The following OR9Q1 variants were observed in gnomAD, a reference collection of about 807,000 sequenced individuals.
OR9Q1 encodes olfactory receptor 9Q1.
For synonymous variants in OR9Q1, 153 were observed against 148.6 expected (o/e 1.03, Z -0.22); for missense variants, 374 against 378.8 (o/e 0.99, Z 0.11).
chr11:58,053,632 A>ATATAT (rs1853294774), intron 1 of OR9Q1, among the ~76,000 whole-genome samples: 20 of 118,684 alleles, frequency 1.7e-4, no homozygotes, highest in Admixed American at 1.6e-3. Flanking sequence ...TATATAAAAT[A>ATATAT]TATATATATA....
At chr11:58,175,251 C>T (rs971152432) in intron 2 of OR9Q1, among the ~76,000 whole-genome samples, 2 of 151,890 alleles carry the variant, frequency 1.3e-5, no homozygotes, top group Non-Finnish European at 2.9e-5. Context: ...AAGATTTTCT[C>T]AGTGGAGAAA....
intron 2 of OR9Q1, among the ~76,000 whole-genome samples, chr11:58,102,047 TC>T (rs2120088140): frequency 6.6e-6 from 1 of 152,238 alleles, no homozygotes; most frequent in African/African-American, 2.4e-5. Context: ...CGCCCGGCCA[TC>T]TTCCAGAATT....
chr11:58,154,361 T>C (rs137891135), intron 2 of OR9Q1, among the ~76,000 whole-genome samples: 2 of 143,486 alleles, frequency 1.4e-5, no homozygotes, highest in East Asian at 4.3e-4. Flanking sequence ...GGCTTAGCAA[T>C]AAAAATCAAT....
chr11:58,033,505 T>C (rs1853064308), intron 1 of OR9Q1, among the ~76,000 whole-genome samples: 2 of 152,186 alleles, frequency 1.3e-5, no homozygotes, highest in Non-Finnish European at 2.9e-5. Context: ...ATGCAGAAAC[T>C]GAAAATCAAA....
intron 1 of OR9Q1, among the ~76,000 whole-genome samples, chr11:58,024,471 G>C (rs2514181): frequency 0.67 from 101,757 of 152,040 alleles, 34,454 homozygotes; most frequent in Middle Eastern, 0.79. Flanking sequence ...GAAATCCAGC[G>C]TTTCTCACCA....
chr11:58,168,489 T>G (rs2119941673), intron 2 of OR9Q1, among the ~76,000 whole-genome samples: 1 of 152,332 alleles, frequency 6.6e-6, no homozygotes, highest in East Asian at 1.9e-4. Context: ...ATTTAATTTT[T>G]TTGTTGATCT....
intron 2 of OR9Q1, among the ~76,000 whole-genome samples, chr11:58,086,322 G>A (rs1017282881): frequency 8.6e-5 from 13 of 151,732 alleles, no homozygotes; most frequent in South Asian, 2.1e-4. Flanking sequence ...ATATCACCTC[G>A]CACCTGTTAG....
rs117339351 is a variant in OR9Q1, at chr11:58,145,128, A to G, written c.-14-34303A>G. ...CAACCAGCATTTCAGTGATTCTTAC[A>G]TCGTACTTGTTCATCATTCAGTCTG... is the stretch of plus-strand genomic sequence containing the variant. On this transcript the variant is annotated intron_variant, in intron 2 of 2. Transcript: ENST00000335397. 5.3e-3 allele frequency: 801 copies of G among 152,544 alleles called. 4 individuals carry two copies. Among genetic ancestry groups the G allele is most frequent in the Middle Eastern group, 9.9e-3 (3 of 304 alleles). 9.4% of individuals were successfully genotyped at this position (152,544 alleles called of 1,614,324 possible).
At chr11:58,031,179 C>T (rs758879592) in intron 1 of OR9Q1, 11 of 1,614,150 alleles carry the variant, frequency 6.8e-6, no homozygotes, top group Non-Finnish European at 9.3e-6. Flanking sequence ...ATCTGGTACA[C>T]TTCTGTTACA....
intron 1 of OR9Q1, among the ~76,000 whole-genome samples, chr11:58,035,901 CTTTAT>C (rs746482967): frequency 6.7e-6 from 1 of 149,430 alleles, no homozygotes; most frequent in East Asian, 2.0e-4. Context: ...TATGAACATA[CTTTAT>C]TTTATTATGT....
intron 1 of OR9Q1, among the ~76,000 whole-genome samples, chr11:58,034,837 C>A (rs1853084937): frequency 7.0e-6 from 1 of 142,512 alleles, no homozygotes; most frequent in African/African-American, 2.7e-5. Context: ...TTCCTTCCTT[C>A]ATTTTTTTTT....
At chr11:58,103,951 G>T (rs1308724120) in intron 2 of OR9Q1, among the ~76,000 whole-genome samples, 1 of 152,120 alleles carries the variant, frequency 6.6e-6, no homozygotes, top group Non-Finnish European at 1.5e-5. Context: ...TGGGCTCACT[G>T]GACTGGTTCT....
intron 2 of OR9Q1, among the ~76,000 whole-genome samples, chr11:58,090,741 A>G (rs1048101640): frequency 6.6e-6 from 1 of 152,076 alleles, no homozygotes; most frequent in Non-Finnish European, 1.5e-5. Context: ...TTGTACCTCT[A>G]GTAGAATTTG....
At chr11:58,065,164 G>C (rs1299158639) in intron 2 of OR9Q1, among the ~76,000 whole-genome samples, 1 of 152,130 alleles carries the variant, frequency 6.6e-6, no homozygotes, top group African/African-American at 2.4e-5. Context: ...ACATGGACTG[G>C]GATAGGTTAT....
intron 2 of OR9Q1, among the ~76,000 whole-genome samples, chr11:58,152,256 T>C (rs151219665): frequency 3.3e-5 from 5 of 152,156 alleles, no homozygotes; most frequent in Non-Finnish European, 5.9e-5. Flanking sequence ...AATCAGAACA[T>C]TTATTTTATT....
At chr11:58,044,551 A>G (rs1485247863) in intron 1 of OR9Q1, 1 of 152,118 alleles carries the variant, frequency 6.6e-6, no homozygotes, top group Non-Finnish European at 1.5e-5. Flanking sequence ...CATCGTTTTC[A>G]CTTACTAGGT....
At chr11:58,092,606 T>C (rs77258080) in intron 2 of OR9Q1, among the ~76,000 whole-genome samples, 262 of 152,322 alleles carry the variant, frequency 1.7e-3, no homozygotes, top group African/African-American at 6.0e-3. Context: ...GCCACAATTA[T>C]GCATTTTCAG....
intron 2 of OR9Q1, chr11:58,125,249 C>CCCAA (rs141493207): frequency 3.7e-5 from 3 of 81,212 alleles, no homozygotes; most frequent in Non-Finnish European, 6.9e-5. Flanking sequence ...GCCCCCCCCC[C>CCCAA]AAAAAAAAGC....
chr11:58,106,210 C>T (rs867634227), intron 2 of OR9Q1, among the ~76,000 whole-genome samples: 2 of 149,494 alleles, frequency 1.3e-5, no homozygotes, highest in African/African-American at 4.9e-5. Flanking sequence ...AGTGGTATCT[C>T]ATTGTAGTTT....
Sources: allele counts gnomAD v4.1 joint callset (sites outside exome capture counted in the v4.1 genomes callset), GRCh38; gene constraint gnomAD v4.1.1; transcripts MANE v1.5; gene names NCBI Gene and HGNC (gene_info 2026-07-23, HGNC 2026-07-21).